Variants in SLC24A2 observed in about 807,000 individuals in gnomAD.
SLC24A2 encodes solute carrier family 24 member 2, also known as sodium/potassium/calcium exchanger 2.
In SLC24A2, 36 loss-of-function variants were observed where a neutral mutation model predicts 62.0. The observed-to-expected ratio is 0.58, with a 90% CI of 0.44 to 0.77. The LOEUF is 0.77. Among genes scored for constraint, SLC24A2 ranks in the 30% least tolerant of loss-of-function variants. The probability of loss-of-function intolerance (pLI) is 0.00; values close to 1 mark genes in which losing one functional copy is unlikely to be tolerated. For missense variants in SLC24A2, 846 were observed against 817.9 expected (o/e 1.03, Z -0.42); for synonymous variants, 358 against 294.0 (o/e 1.22, Z -2.23).
At chr9:19,674,009 T>C (rs1336061222) in intron 2 of SLC24A2, among the ~76,000 whole-genome samples, 1 of 152,202 alleles carries the variant, frequency 6.6e-6, no homozygotes, top group Non-Finnish European at 1.5e-5. Flanking sequence ...TTTTGGTGTA[T>C]TTCAAGGATT....
At chr9:20,220,057 T>G in the SLC24A2 span, among the ~76,000 whole-genome samples, 1 of 152,116 alleles carries the variant, frequency 6.6e-6, no homozygotes, top group Non-Finnish European at 1.5e-5. Flanking sequence ...ACTGAAGAAA[T>G]AGTTCAGTAT....
chr9:20,045,621 C>T, the SLC24A2 span, among the ~76,000 whole-genome samples: 21 of 151,838 alleles, frequency 1.4e-4, no homozygotes, highest in African/African-American at 5.1e-4. Context: ...TTAGTAGAGG[C>T]GGGGTTTCAC....
chr9:19,524,145 A>AAG (rs1833324576), intron 9 of SLC24A2, among the ~76,000 whole-genome samples: 1 of 150,244 alleles, frequency 6.7e-6, no homozygotes, highest in Non-Finnish European at 1.5e-5. Flanking sequence ...TTCAAAAAAA[A>AAG]AAAAAAAAAA....
the SLC24A2 span, among the ~76,000 whole-genome samples, chr9:20,051,483 C>A: frequency 6.6e-6 from 1 of 151,800 alleles, no homozygotes; most frequent in African/African-American, 2.4e-5. Flanking sequence ...ACATGATTAG[C>A]AAACTTCATA....
chr9:20,221,935 G>A, the SLC24A2 span, among the ~76,000 whole-genome samples: 1 of 151,830 alleles, frequency 6.6e-6, no homozygotes, highest in African/African-American at 2.4e-5. Context: ...TCAATTAGAA[G>A]AAAAGTGAAC....
chr9:19,755,491 C>T (rs1822112861), intron 2 of SLC24A2, among the ~76,000 whole-genome samples: 1 of 152,156 alleles, frequency 6.6e-6, no homozygotes, highest in Non-Finnish European at 1.5e-5. Context: ...ATTGTATCTA[C>T]CGTACTGTGT....
intron 2 of SLC24A2, among the ~76,000 whole-genome samples, chr9:19,636,722 C>A (rs917292369): frequency 3.9e-5 from 6 of 152,050 alleles, no homozygotes; most frequent in African/African-American, 1.4e-4. Flanking sequence ...GTGTGAGCCA[C>A]CACGCCTGGC....
rs567552403 is a variant in SLC24A2, at chr9:19,543,795, CTGTT to C, written c.1479+6338_1479+6341del. Among the ~76,000 whole-genome samples, 1,507 of 152,154 alleles carry C rather than the reference CTGTT, an allele frequency of 9.9e-3. 30 individuals carry two copies. Among genetic ancestry groups the C allele is most frequent in the African/African-American group, 0.035 (1,443 of 41,490 alleles). On this transcript the variant is annotated intron_variant, in intron 8 of 10. Coordinates refer to ENST00000341998, the MANE Select transcript of SLC24A2 (RefSeq NM_020344.4). ...TTTGATTGCACTATGGTCTGAGAGACTGTTTGTTATGATTTCCATTCTTTTGCAT... is the reference window on the plus strand; with the variant it reads ...TTTGATTGCACTATGGTCTGAGAGACTGTTATGATTTCCATTCTTTTGCAT...
chr9:20,235,296 T>A, the SLC24A2 span, among the ~76,000 whole-genome samples: 1 of 152,200 alleles, frequency 6.6e-6, no homozygotes, highest in African/African-American at 2.4e-5. Context: ...CTGCTGTCTT[T>A]TTGTTTGTCT....
chr9:19,586,229 C>T (rs1027773270), intron 5 of SLC24A2, among the ~76,000 whole-genome samples: 2 of 152,170 alleles, frequency 1.3e-5, no homozygotes, highest in Non-Finnish European at 2.9e-5. Flanking sequence ...AGAAGTGTTT[C>T]ACTGACGCTC....
intron 2 of SLC24A2, among the ~76,000 whole-genome samples, chr9:19,765,600 T>C (rs1161255632): frequency 6.6e-6 from 1 of 152,224 alleles, no homozygotes; most frequent in Non-Finnish European, 1.5e-5. Flanking sequence ...ATAATTCTTT[T>C]CTTTAAGAAT....
intron 2 of SLC24A2, among the ~76,000 whole-genome samples, chr9:19,668,768 C>A (rs916755663): frequency 1.3e-5 from 2 of 152,220 alleles, no homozygotes; most frequent in Non-Finnish European, 2.9e-5. Context: ...TGGCCTCCAC[C>A]ATATTCTAGC....
the SLC24A2 span, among the ~76,000 whole-genome samples, chr9:20,235,392 C>T: frequency 4.6e-5 from 7 of 152,348 alleles, no homozygotes; most frequent in East Asian, 1.9e-4. Flanking sequence ...AACTTCCCGC[C>T]GCTTTGTTTC....
the SLC24A2 span, among the ~76,000 whole-genome samples, chr9:20,051,975 A>G: frequency 6.6e-6 from 1 of 152,160 alleles, no homozygotes; most frequent in East Asian, 1.9e-4. Context: ...TCTAGCTCGC[A>G]GGACACTGTA....
At chr9:20,265,743 G>A in the SLC24A2 span, among the ~76,000 whole-genome samples, 51 of 141,064 alleles carry the variant, frequency 3.6e-4, no homozygotes, top group Middle Eastern at 7.2e-3. Flanking sequence ...AACTCTGGCC[G>A]CCGGTGAGCC....
chr9:20,089,633 A>T, the SLC24A2 span, among the ~76,000 whole-genome samples: 76 of 151,878 alleles, frequency 5.0e-4, 2 homozygotes, highest in Non-Finnish European at 1.3e-4. Flanking sequence ...GCCCACTAGT[A>T]GTGTCCCAGA....
intron 2 of SLC24A2, among the ~76,000 whole-genome samples, chr9:19,642,986 CTTT>C (rs71335441): frequency 0.11 from 13,244 of 125,266 alleles, 770 homozygotes; most frequent in African/African-American, 0.19. Flanking sequence ...GGCCAGTATT[CTTT>C]TTTTTTTTTT....
intron 2 of SLC24A2, among the ~76,000 whole-genome samples, chr9:19,690,123 C>T (rs948564135): frequency 6.6e-6 from 1 of 150,908 alleles, no homozygotes; most frequent in Non-Finnish European, 1.5e-5. Flanking sequence ...TGAGCAATAA[C>T]CTAATATCTT....
At chr9:20,263,452 T>C in the SLC24A2 span, among the ~76,000 whole-genome samples, 1 of 152,128 alleles carries the variant, frequency 6.6e-6, no homozygotes, top group African/African-American at 2.4e-5. Flanking sequence ...TCTTACTATG[T>C]TTCCAGGGCT....
Sources: allele counts gnomAD v4.1 joint callset (sites outside exome capture counted in the v4.1 genomes callset), GRCh38; gene constraint gnomAD v4.1.1; transcripts MANE v1.5; gene names NCBI Gene and HGNC (gene_info 2026-07-23, HGNC 2026-07-21).